Variants in BRD8 observed in about 807,000 individuals in gnomAD.
BRD8 encodes bromodomain containing 8, also known as bromodomain-containing protein 8.
BRD8 carries 67 observed loss-of-function variants against 143.1 expected under a neutral mutation model. The observed-to-expected ratio is 0.47, with a 90% CI of 0.38 to 0.57. The LOEUF is 0.57. BRD8 is among the 20% of genes least tolerant of loss of function. The pLI, the probability that BRD8 is intolerant of heterozygous loss-of-function variation, is 0.00. For missense variants in BRD8, 1,103 were observed against 1,503.0 expected (o/e 0.73, Z 4.40); for synonymous variants, 505 against 517.1 (o/e 0.98, Z 0.32).
intron 25 of BRD8, among the ~76,000 whole-genome samples, chr5:138,143,786 T>C (rs143988650): frequency 5.0e-4 from 76 of 152,266 alleles, no homozygotes; most frequent in Middle Eastern, 3.4e-3. Flanking sequence ...AAAAGGTTTG[T>C]AAACGCACCA....
rs1753308048 is a variant in BRD8, at chr5:138,165,279, C to A, written c.1279-113G>T. On this transcript the variant is annotated intron_variant, in intron 11 of 26. Coordinates refer to ENST00000254900, the MANE Select transcript of BRD8 (RefSeq NM_139199.2). ...TCTGCAGCTTTTCGCTCCATTTTTTCCATGTAGTGGAGGCAAACAATGAAG... is the reference window on the plus strand; with the variant it reads ...TCTGCAGCTTTTCGCTCCATTTTTTACATGTAGTGGAGGCAAACAATGAAG... 11 of 1,186,276 alleles carry A rather than the reference C, an allele frequency of 9.3e-6. 1 individual carries two copies. The highest frequency in any genetic ancestry group is 5.7e-5 in the South Asian group (4 of 70,528). The allele number at this position is 1,186,276 out of a possible 1,614,324, so 73.5% of individuals were successfully genotyped here. A position where few individuals can be genotyped will look rare whatever the true frequency, so the allele number is the denominator to read the frequency against.
intron 11 of BRD8, 74 bp from the exon 12 acceptor site, chr5:138,165,240 T>G: frequency 1.4e-6 from 2 of 1,462,086 alleles, no homozygotes; most frequent in Non-Finnish European, 1.8e-6. Context: ...TAGCACCAAA[T>G]GTGATGGCTT....
At position 138,152,639 on chromosome 5, in the gene BRD8, T is replaced by C. The variant is rs1287187479; in HGVS notation, c.2699A>G (p.Asn900Ser). Residue 900 changes from asparagine to serine, a missense_variant, in exon 21 of 27, where the codon AAC (asparagine) becomes AGC (serine). By Grantham distance (46) the Asn-to-Ser change is conservative (BLOSUM62 1). Around this residue, in one of 7 missense-constraint regions of BRD8, gnomAD observed 369 missense variants for 445.5 expected, o/e 0.83. Coordinates refer to ENST00000254900, the MANE Select transcript of BRD8 (RefSeq NM_139199.2). ...CTCTGGATCCTCAGTTTCCCTCCAG[T>C]TGCCCACATCAAGATCCAGACTGGA... is the stretch of plus-strand genomic sequence containing the variant. ...WDSSLDLDVG[N>S]WRETEDPEAE... 1 of 1,614,178 alleles carries C rather than the reference T, an allele frequency of 6.2e-7. No individual in the cohort carries two copies. Among genetic ancestry groups the C allele is most frequent in the Non-Finnish European group, 8.5e-7 (1 of 1,180,034 alleles).
Position 138,169,875 on chromosome 5 carries a change from CT to C in BRD8, c.505+469del, listed in dbSNP as rs547075819. Reference sequence around the variant, plus strand: ...TCGGGAGGCTGAGGCAGGAGAATCACTTGAACCCGCGAGGCGGAGGTTGCAG... The same window carrying C: ...TCGGGAGGCTGAGGCAGGAGAATCACTGAACCCGCGAGGCGGAGGTTGCAG... On this transcript the variant is annotated intron_variant, in intron 7 of 26. Coordinates refer to ENST00000254900, the MANE Select transcript of BRD8 (RefSeq NM_139199.2). Among the ~76,000 whole-genome samples, 358 of 152,328 alleles carry C rather than the reference CT, an allele frequency of 2.4e-3. 3 individuals carry two copies. The highest frequency in any genetic ancestry group is 7.6e-3 in the African/African-American group (316 of 41,580).
In BRD8 at chr5:138,170,917, A is replaced by G. The variant is rs1457571889; in HGVS notation, c.360-5T>C. ...TCTGCATCTCTCTTTAGCCGTCTATAGGAAGAAAGAGAGGTAGGTAGACTG... is the reference window on the plus strand; with the variant it reads ...TCTGCATCTCTCTTTAGCCGTCTATGGGAAGAAAGAGAGGTAGGTAGACTG... On this transcript the variant is annotated splice_polypyrimidine_tract_variant and splice_region_variant and intron_variant, in intron 5 of 26. Coordinates refer to ENST00000254900, the MANE Select transcript of BRD8 (RefSeq NM_139199.2). 7 of 1,613,992 alleles carry G rather than the reference A, an allele frequency of 4.3e-6. No homozygotes were observed. The Admixed American group carries it at 8.3e-5, about 19-fold the overall frequency.
intron 26 of BRD8, 200 bp downstream of exon 26, chr5:138,140,505 T>A: frequency 1.6e-6 from 1 of 644,050 alleles, no homozygotes; most frequent in Non-Finnish European, 2.7e-6. Context: ...GCTGCCTGCA[T>A]TCCTAGACTA....
intron 25 of BRD8, among the ~76,000 whole-genome samples, chr5:138,142,131 A>G (rs1751933219): frequency 6.6e-6 from 1 of 152,212 alleles, no homozygotes; most frequent in Admixed American, 6.5e-5. Context: ...AAAGGGCTCC[A>G]TATCGAAGAG....
chr5:138,167,745 A>G lies in BRD8; in HGVS notation c.787+189T>C, dbSNP rs886258500. The G allele has an allele frequency of 7.0e-6, 4 of 575,350 alleles. No individual in the cohort carries two copies. In the East Asian group the frequency reaches 9.1e-5, roughly 13 times the overall value. 35.6% of individuals were successfully genotyped at this position (575,350 alleles called of 1,614,324 possible). On this transcript the variant is annotated intron_variant, in intron 9 of 26. Transcript: ENST00000254900. ...GCTGTGGTCAATCAGGGCTATCACT[A>G]TCTTGAAGATAGATGGCTTTATAAT...
chr5:138,145,959 T>C, intron 23 of BRD8, 81 bp from the exon 24 acceptor site: 1 of 1,085,940 alleles, frequency 9.2e-7, no homozygotes, highest in South Asian at 1.4e-5. Flanking sequence ...AATGAGGTTT[T>C]CTTAAGACAT....
intron 8 of BRD8, 63 bp downstream of exon 8, chr5:138,169,159 G>A (rs948541712): frequency 1.2e-5 from 18 of 1,564,448 alleles, no homozygotes; most frequent in Middle Eastern, 2.0e-4. Flanking sequence ...TTTCCTCATC[G>A]CTCAGCTCTG....
chr5:138,162,959 C>T (rs1274397925), intron 15 of BRD8, among the ~76,000 whole-genome samples, 171 bp downstream of exon 15: 5 of 150,984 alleles, frequency 3.3e-5, no homozygotes, highest in African/African-American at 1.2e-4. Flanking sequence ...TGAGATCGCA[C>T]CACTGCCCTC....
chr5:138,157,004 G>A (rs1337351256), intron 20 of BRD8: 4 of 1,418,194 alleles, frequency 2.8e-6, no homozygotes, highest in Admixed American at 3.0e-5. Context: ...TACACATTAG[G>A]ACATTAACAT....
At chr5:138,160,228 T>C (rs907654605) in intron 18 of BRD8, 55 bp from the exon 19 acceptor site, 2 of 1,193,288 alleles carry the variant, frequency 1.7e-6, no homozygotes, top group Non-Finnish European at 2.5e-6. Context: ...TAGGGACAAA[T>C]TAAGTACACT....
intron 25 of BRD8, among the ~76,000 whole-genome samples, chr5:138,143,092 C>T (rs1401931303): frequency 6.6e-6 from 1 of 151,646 alleles, no homozygotes; most frequent in African/African-American, 2.4e-5. Flanking sequence ...TGAGACAAGC[C>T]TGGGCACCAT....
intron 23 of BRD8, among the ~76,000 whole-genome samples, chr5:138,148,206 G>A (rs536260027): frequency 6.1e-4 from 91 of 148,662 alleles, no homozygotes; most frequent in Non-Finnish European, 1.2e-3. Context: ...AAAAGGGTCA[G>A]TGCATAAATC....
chr5:138,175,832 T>C (rs1340483411), intron 2 of BRD8, among the ~76,000 whole-genome samples: 2 of 145,066 alleles, frequency 1.4e-5, no homozygotes, highest in African/African-American at 5.2e-5. Context: ...GAGGATCACT[T>C]GAGCCCAGGA....
intron 20 of BRD8, among the ~76,000 whole-genome samples, 160 bp from the exon 21 acceptor site, chr5:138,152,920 G>A (rs953721477): frequency 2.6e-5 from 4 of 152,192 alleles, no homozygotes; most frequent in Non-Finnish European, 2.9e-5. Flanking sequence ...AGGGAGACAT[G>A]AGATGAAATT....
At chr5:138,163,513 T>G in intron 14 of BRD8, 169 bp from the exon 15 acceptor site, 1 of 1,419,864 alleles carries the variant, frequency 7.0e-7, no homozygotes, top group South Asian at 1.3e-5. Flanking sequence ...GACACTGCGT[T>G]AAGTAATTTA....
At chr5:138,168,181 C>A in intron 8 of BRD8, 103 bp from the exon 9 acceptor site, 1 of 801,238 alleles carries the variant, frequency 1.2e-6, no homozygotes, top group South Asian at 1.7e-5. Flanking sequence ...AAACTAATAG[C>A]TAATATCCAC....
Sources: allele counts gnomAD v4.1 joint callset (sites outside exome capture counted in the v4.1 genomes callset), GRCh38; gene constraint gnomAD v4.1.1; regional missense constraint gnomAD v4.1.1; transcripts MANE v1.5; gene names NCBI Gene and HGNC (gene_info 2026-07-23, HGNC 2026-07-21).